The following AKAP13 variants were observed in gnomAD, a reference collection of about 807,000 sequenced individuals.
AKAP13 encodes the protein A-kinase anchor protein 13.
AKAP13 carries 80 observed loss-of-function variants against 264.5 expected under a neutral mutation model. That is an observed-to-expected ratio of 0.30 (90% CI 0.25 to 0.36). AKAP13 has a LOEUF of 0.36. AKAP13 is among the 10% of genes least tolerant of loss of function. The pLI, the probability that AKAP13 is intolerant of heterozygous loss-of-function variation, is 1.00. For synonymous variants in AKAP13, 1,380 were observed against 1,250.2 expected (o/e 1.10, Z -2.19); for missense variants, 3,712 against 3,435.2 (o/e 1.08, Z -2.01).
At chr15:85,419,083 A>G (rs1299389873) in intron 1 of AKAP13, among the ~76,000 whole-genome samples, 1 of 152,154 alleles carries the variant, frequency 6.6e-6, no homozygotes, top group East Asian at 1.9e-4. Flanking sequence ...TTTCCAGAAA[A>G]ATTTGGTGGT....
At chr15:85,660,090 C>T (rs967122002) in intron 12 of AKAP13, among the ~76,000 whole-genome samples, 1 of 152,204 alleles carries the variant, frequency 6.6e-6, no homozygotes, top group East Asian at 1.9e-4. Flanking sequence ...CGGTGGCTCA[C>T]GCCTGTAATC....
chr15:85,631,483 T>TTC (rs144246285), intron 8 of AKAP13, among the ~76,000 whole-genome samples: 3,119 of 119,594 alleles, frequency 0.026, 42 homozygotes, highest in Non-Finnish European at 0.029. Flanking sequence ...CACACACACT[T>TTC]TCTCTCTCTC....
chr15:85,410,225 C>T (rs772432144), intron 1 of AKAP13, among the ~76,000 whole-genome samples: 6 of 151,370 alleles, frequency 4.0e-5, no homozygotes, highest in Admixed American at 1.3e-4. Context: ...CCGGGCTGGT[C>T]GCTCATCACC....
At chr15:85,383,004 C>G (rs1567030231) in intron 1 of AKAP13, among the ~76,000 whole-genome samples, 3 of 152,042 alleles carry the variant, frequency 2.0e-5, no homozygotes. Flanking sequence ...AACTAGCGCT[C>G]TAAGGATTTC....
At chr15:85,408,395 C>T (rs1383325669) in intron 1 of AKAP13, among the ~76,000 whole-genome samples, 2 of 151,788 alleles carry the variant, frequency 1.3e-5, no homozygotes, top group African/African-American at 4.9e-5. Flanking sequence ...TTCACATTGT[C>T]GTGCAGTCAT....
intron 1 of AKAP13, among the ~76,000 whole-genome samples, chr15:85,433,939 T>G (rs2073140522): frequency 1.1e-5 from 1 of 91,468 alleles, no homozygotes; most frequent in African/African-American, 5.1e-5. Context: ...AGACTCTGTC[T>G]CAAAAAATAA....
intron 4 of AKAP13, 32 bp downstream of exon 4, chr15:85,533,912 T>G: frequency 6.6e-7 from 1 of 1,520,768 alleles, no homozygotes; most frequent in Non-Finnish European, 8.8e-7. Context: ...AAACACACTT[T>G]AAGTTTGTGA....
intron 19 of AKAP13, among the ~76,000 whole-genome samples, chr15:85,710,947 A>G (rs1597140358): frequency 6.6e-6 from 1 of 152,310 alleles, no homozygotes; most frequent in African/African-American, 2.4e-5. Flanking sequence ...GTAGTTGAGA[A>G]TTAAAAGACT....
intron 5 of AKAP13, chr15:85,555,607 C>T: frequency 1.6e-6 from 1 of 632,936 alleles, no homozygotes; most frequent in South Asian, 1.5e-5. Flanking sequence ...CCCTGAAGGA[C>T]TTGTGTTGTT....
rs1206968569 is a variant in AKAP13, at chr15:85,521,424, C to T, written c.34-4C>T. The T allele has an allele frequency of 1.2e-6, 2 of 1,613,524 alleles. No individual in the cohort carries two copies. Among genetic ancestry groups the T allele is most frequent in the East Asian group, 2.2e-5 (1 of 44,856 alleles). On this transcript the variant is annotated splice_region_variant and splice_polypyrimidine_tract_variant and intron_variant, in intron 2 of 36. Coordinates refer to ENST00000394518, the MANE Select transcript of AKAP13 (RefSeq NM_007200.5). ...TAAACTTGCTATATTGTTTCCTTTCCTAGGGTGATTGTGTTGTTACAGTGC... is the reference window on the plus strand; with the variant it reads ...TAAACTTGCTATATTGTTTCCTTTCTTAGGGTGATTGTGTTGTTACAGTGC...
At chr15:85,561,073 T>C (rs1356706621) in intron 5 of AKAP13, among the ~76,000 whole-genome samples, 1 of 151,070 alleles carries the variant, frequency 6.6e-6, no homozygotes, top group East Asian at 1.9e-4. Context: ...TTTTTTTTTT[T>C]TTTAAGACGG....
chr15:85,743,220 G>GT (rs1233506938), intron 35 of AKAP13, among the ~76,000 whole-genome samples: 2 of 152,068 alleles, frequency 1.3e-5, no homozygotes, highest in Non-Finnish European at 2.9e-5. Context: ...GGTACTATTG[G>GT]TTTTTTACAA....
chr15:85,658,409 A>T, intron 11 of AKAP13, 128 bp from the exon 12 acceptor site: 1 of 696,580 alleles, frequency 1.4e-6, no homozygotes. Flanking sequence ...ACATTCCTTC[A>T]TTCTCTTGCC....
At chr15:85,605,083 TA>T in intron 8 of AKAP13, among the ~76,000 whole-genome samples, 1 of 151,712 alleles carries the variant, frequency 6.6e-6, no homozygotes, top group South Asian at 2.1e-4. Context: ...ATGGATTACC[TA>T]ATTTCCTAGA....
chr15:85,735,393 C>T (rs1248462030), intron 31 of AKAP13, among the ~76,000 whole-genome samples, 167 bp from the exon 32 acceptor site: 1 of 152,078 alleles, frequency 6.6e-6, no homozygotes, highest in East Asian at 1.9e-4. Flanking sequence ...CTTCTGCATC[C>T]GTAAAATTAT....
intron 17 of AKAP13, among the ~76,000 whole-genome samples, chr15:85,700,715 A>T (rs867563720): frequency 5.3e-5 from 8 of 152,248 alleles, no homozygotes; most frequent in Non-Finnish European, 1.5e-5. Context: ...CCCAAATTTT[A>T]ACATCAACAT....
At chr15:85,650,411 A>G (rs1272782996) in intron 10 of AKAP13, among the ~76,000 whole-genome samples, 1 of 152,246 alleles carries the variant, frequency 6.6e-6, no homozygotes, top group East Asian at 1.9e-4. Context: ...AGCCTGGGCA[A>G]CAGAGGGAGA....
chr15:85,484,530 T>C (rs766515686), intron 1 of AKAP13, among the ~76,000 whole-genome samples: 2 of 152,228 alleles, frequency 1.3e-5, no homozygotes, highest in Non-Finnish European at 2.9e-5. Context: ...TACTGCGTTG[T>C]CCAGCAGAAC....
intron 2 of AKAP13, among the ~76,000 whole-genome samples, chr15:85,506,559 GAATA>G (rs534808164): frequency 8.2e-4 from 124 of 152,074 alleles, no homozygotes; most frequent in African/African-American, 2.8e-3. Context: ...AGACATACAT[GAATA>G]AATACGTGTC....
Sources: allele counts gnomAD v4.1 joint callset (sites outside exome capture counted in the v4.1 genomes callset), GRCh38; gene constraint gnomAD v4.1.1; transcripts MANE v1.5; gene names NCBI Gene and HGNC (gene_info 2026-07-23, HGNC 2026-07-21).